The following PABPC3 variants were observed in gnomAD, a reference collection of about 807,000 sequenced individuals.
PABPC3 encodes poly(A) binding protein cytoplasmic 3, also known as polyadenylate-binding protein 3.
PABPC3 carries 43 observed loss-of-function variants against 43.0 expected under a neutral mutation model. The ratio of observed to expected loss-of-function variants is 1.00; its 90% CI spans 0.78 to 1.29. PABPC3 has a LOEUF of 1.29. Ranked by LOEUF, PABPC3 falls within the 50% of genes most tolerant of loss-of-function variation. The pLI is 0.00. For synonymous variants in PABPC3, 221 were observed against 274.6 expected (o/e 0.80, Z 1.93); for missense variants, 784 against 798.1 (o/e 0.98, Z 0.21).
chr13:25,096,243 G>A lies in PABPC3; in HGVS notation c.45G>A (p.Val15=), dbSNP rs771337266. 6.2e-6 allele frequency: 10 copies of A among 1,614,142 alleles called. No individual in the cohort carries two copies. In the East Asian group the frequency reaches 1.8e-4, roughly 29 times the overall value. Residue 15 remains valine, a synonymous_variant, in exon 1 of 1, where the codon GTG becomes GTA. Transcript: ENST00000281589. ...GCTACCCAACGGCCTCGCTCTACGT[G>A]GGGGACCTCCACCCCGACGTGACTG... The part of the protein sequence containing the change: ...TPSYPTASLY[V]GDLHPDVTEA...
chr13:25,097,752 T>G lies in PABPC3; in HGVS notation c.1554T>G (p.His518Gln). The G allele has an allele frequency of 1.2e-6, 2 of 1,614,188 alleles. No individual in the cohort carries two copies. Among genetic ancestry groups the G allele is most frequent in the Non-Finnish European group, 8.5e-7 (1 of 1,180,020 alleles). ...CGGGAGTTCGCAATCCTCAGCAACA[T>G]CGTAATGCACAGCCACAAGTTACAA... ...YAAGVRNPQQHRNAQPQVTMQ... is the reference protein window; with the variant it reads ...YAAGVRNPQQQRNAQPQVTMQ... Residue 518 changes from histidine (H) to glutamine (Q), a missense_variant, in exon 1 of 1, where the codon CAT becomes CAG. His to Gln is a conservative substitution (Grantham distance 24). Transcript: ENST00000281589.
At position 25,098,844 on chromosome 13, in the gene PABPC3, C is replaced by CA. The variant is rs1169124050; in HGVS notation, c.*751dup. 6.0e-6 allele frequency: 1 copy of CA among 166,594 alleles called. No homozygotes were observed. Among genetic ancestry groups the CA allele is most frequent in the African/African-American group, 2.4e-5 (1 of 41,364 alleles). 10.3% of individuals were successfully genotyped at this position (166,594 alleles called of 1,614,324 possible). A position where few individuals can be genotyped will look rare whatever the true frequency, so the allele number is the denominator to read the frequency against. On this transcript the variant is annotated 3_prime_UTR_variant, in exon 1 of 1. Transcript: ENST00000281589. ...ACATAGTTTTAAAAATCTAATTGAA[C>CA]AGGAGGCTAAACATGGTTCTGATCA...
In PABPC3 at chr13:25,096,504, C is replaced by T. The variant is rs144020440; in HGVS notation, c.306C>T (p.Phe102=). ...GAAAAAGTGGAGTGGGCAACATATT[C>T]GTTAAAAATCTGGATAAGTCCATTA... ...SLRKSGVGNI[F]VKNLDKSINN... The change falls in exon 1 of 1, where the codon TTC becomes TTT. Residue 102 remains phenylalanine (F), a synonymous_variant. Coordinates refer to ENST00000281589, the MANE Select transcript of PABPC3 (RefSeq NM_030979.3). 6.2e-7 allele frequency: 1 copy of T among 1,614,064 alleles called. No individual in the cohort carries two copies. The highest frequency in any genetic ancestry group is 1.3e-5 in the African/African-American group (1 of 74,926).
Position 25,098,584 on chromosome 13 carries a change from A to G in PABPC3, c.*490A>G, listed in dbSNP as rs956406910. On this transcript the variant is annotated 3_prime_UTR_variant, in exon 1 of 1. Transcript: ENST00000281589. ...ACAGTGAAAAAAAGAAAAATCATCA[A>G]TTTTACTAATAGTCTTTCTTTACAT... The G allele has an allele frequency of 3.0e-5, 5 of 167,296 alleles. No homozygotes were observed. The highest frequency in any genetic ancestry group is 1.2e-4 in the African/African-American group (5 of 41,364). The allele number at this position is 167,296 out of a possible 1,614,324, so 10.4% of individuals were successfully genotyped here. A position where few individuals can be genotyped will look rare whatever the true frequency, so the allele number is the denominator to read the frequency against.
chr13:25,096,578 C>G lies in PABPC3; in HGVS notation c.380C>G (p.Ser127Trp), dbSNP rs768632260. The change falls in exon 1 of 1, where the codon TCG becomes TGG. Residue 127 changes from serine to tryptophan, a missense_variant. Coordinates refer to ENST00000281589, the MANE Select transcript of PABPC3 (RefSeq NM_030979.3). The stretch of plus-strand genomic sequence containing the variant: ...GTTTCTGCTTTTGGTAACATCCTTT[C>G]GTGTAACGTGGTTTGTGATGAAAAT... The part of the protein sequence containing the change: ...DTVSAFGNIL[S>W]CNVVCDENGS... 47 of 1,614,142 alleles carry G rather than the reference C, an allele frequency of 2.9e-5. No individual in the cohort carries two copies. Among genetic ancestry groups the G allele is most frequent in the Admixed American group, 1.0e-4 (6 of 60,010 alleles).
In PABPC3 at chr13:25,097,195, A is replaced by C. The variant is rs755324415; in HGVS notation, c.997A>C (p.Lys333Gln). 1 of 597,016 alleles carries C rather than the reference A, an allele frequency of 1.7e-6. No individual in the cohort carries two copies. Among genetic ancestry groups the C allele is most frequent in the South Asian group, 5.6e-5 (1 of 18,012 alleles). 37.0% of individuals were successfully genotyped at this position (597,016 alleles called of 1,614,324 possible). Residue 333 changes from lysine to glutamine, a missense_variant, in exon 1 of 1, where the codon AAA becomes CAA. Lys to Gln is a moderately conservative substitution (Grantham distance 53). Coordinates refer to ENST00000281589, the MANE Select transcript of PABPC3 (RefSeq NM_030979.3). Reference sequence around the variant, plus strand: ...GGTTATGATGGAAGGTGGTCGCAGCAAAGGGTTTGGTTTTGTATGTTTCTC... The same window carrying C: ...GGTTATGATGGAAGGTGGTCGCAGCCAAGGGTTTGGTTTTGTATGTTTCTC... ...AKVMMEGGRS[K>Q]GFGFVCFSSP...
chr13:25,097,905 C>G lies in PABPC3; in HGVS notation c.1707C>G (p.His569Gln), dbSNP rs1262043867. The G allele has an allele frequency of 3.1e-6, 5 of 1,613,848 alleles. No homozygotes were observed. ...ERLFPLIQAM[H>Q]PTLAGKITGM... ...TCTTTCCTCTTATTCAAGCCATGCA[C>G]CCTACTCTTGCTGGGAAAATCACTG... Residue 569 changes from histidine to glutamine, a missense_variant, in exon 1 of 1, where the codon CAC (histidine) becomes CAG (glutamine). By Grantham distance (24) the His-to-Gln change is conservative. Coordinates refer to ENST00000281589, the MANE Select transcript of PABPC3 (RefSeq NM_030979.3).
In PABPC3 at chr13:25,098,077, G is replaced by C; in HGVS notation, c.1879G>C (p.Gly627Arg). The change falls in exon 1 of 1, where the codon GGT (glycine) becomes CGT (arginine). Residue 627 changes from glycine to arginine, a missense_variant. Transcript: ENST00000281589. ...ATQKAVNSAT[G>R]VPTV ...CCAGAAAGCAGTTAACAGTGCTACC[G>C]GTGTTCCAACTGTTTAAAATTGATC... 2 of 1,613,658 alleles carry C rather than the reference G, an allele frequency of 1.2e-6. No homozygotes were observed. Among genetic ancestry groups the C allele is most frequent in the Non-Finnish European group, 1.7e-6 (2 of 1,179,722 alleles).
rs758193253 is a variant in PABPC3 at position 25,096,363 on chromosome 13, G to A, written c.165G>A (p.Ala55=). ...TCACCAGCGGCTCCTCCAACTACGC[G>A]TATGTGAACTTCCAGCATACGAAGG... is the stretch of plus-strand genomic sequence containing the variant. ...DLITSGSSNY[A]YVNFQHTKDA... Residue 55 remains alanine, a synonymous_variant, in exon 1 of 1, where the codon GCG becomes GCA. Coordinates refer to ENST00000281589, the MANE Select transcript of PABPC3 (RefSeq NM_030979.3). 5 of 1,614,198 alleles carry A rather than the reference G, an allele frequency of 3.1e-6. No individual in the cohort carries two copies. In the South Asian group the frequency reaches 4.4e-5, roughly 14 times the overall value.
In PABPC3 at chr13:25,097,774, A is replaced by G; in HGVS notation, c.1576A>G (p.Thr526Ala). Residue 526 changes from threonine to alanine, a missense_variant, in exon 1 of 1, where the codon ACA becomes GCA. Physicochemically the swap from Thr to Ala is moderately conservative, Grantham distance 58. Coordinates refer to ENST00000281589, the MANE Select transcript of PABPC3 (RefSeq NM_030979.3). ...ACATCGTAATGCACAGCCACAAGTT[A>G]CAATGCAACAGCTTGCTGTTCATGT... Reference protein sequence around the residue: ...QQHRNAQPQVTMQQLAVHVQG... With the variant: ...QQHRNAQPQVAMQQLAVHVQG... The G allele has an allele frequency of 6.2e-7, 1 of 1,614,202 alleles. No individual in the cohort carries two copies. Among genetic ancestry groups the G allele is most frequent in the Non-Finnish European group, 8.5e-7 (1 of 1,180,026 alleles).
Position 25,097,192 on chromosome 13 carries a change from A to C in PABPC3, c.994A>C (p.Ser332Arg). The part of the protein sequence containing the change: ...SAKVMMEGGR[S>R]KGFGFVCFSS... ...AAAGGTTATGATGGAAGGTGGTCGC[A>C]GCAAAGGGTTTGGTTTTGTATGTTT... Residue 332 changes from serine to arginine, a missense_variant, in exon 1 of 1, where the codon AGC (serine) becomes CGC (arginine). By Grantham distance (110) the Ser-to-Arg change is moderately radical. Coordinates refer to ENST00000281589, the MANE Select transcript of PABPC3 (RefSeq NM_030979.3). The C allele has an allele frequency of 6.2e-7, 1 of 1,614,230 alleles. No individual in the cohort carries two copies. The highest frequency in any genetic ancestry group is 2.2e-5 in the East Asian group (1 of 44,890).
Position 25,098,282 on chromosome 13 carries a change from T to A in PABPC3, c.*188T>A. 1.9e-6 allele frequency: 1 copy of A among 525,856 alleles called. No individual in the cohort carries two copies. The highest frequency in any genetic ancestry group is 3.4e-6 in the Non-Finnish European group (1 of 294,122). The allele number at this position is 525,856 out of a possible 1,614,324, so 32.6% of individuals were successfully genotyped here. On this transcript the variant is annotated 3_prime_UTR_variant, in exon 1 of 1. Coordinates refer to ENST00000281589, the MANE Select transcript of PABPC3 (RefSeq NM_030979.3). ...CAAGGTCTAGCAAATATAATGCTAG[T>A]CCTAGATTACTTATTGATTTAAAAA...
chr13:25,096,184 G>A lies in PABPC3; in HGVS notation c.-15G>A. 1 of 1,602,014 alleles carries A rather than the reference G, an allele frequency of 6.2e-7. No homozygotes were observed. The highest frequency in any genetic ancestry group is 2.2e-5 in the East Asian group (1 of 44,738). Reference sequence around the variant, plus strand: ...AAGGTCGCGGCTTGTGTGCCTGCGGGCAGCCGTGCCGAGAATGAACCCCAG... The same window carrying A: ...AAGGTCGCGGCTTGTGTGCCTGCGGACAGCCGTGCCGAGAATGAACCCCAG... On this transcript the variant is annotated 5_prime_UTR_variant, in exon 1 of 1. Coordinates refer to ENST00000281589, the MANE Select transcript of PABPC3 (RefSeq NM_030979.3).
Sources: gnomAD v4.1 joint callset for allele counts on GRCh38, gnomAD v4.1.1 for gene constraint, MANE v1.5 for transcripts, NCBI Gene and HGNC (gene_info 2026-07-23, HGNC 2026-07-21) for gene names.